Variants in OCIAD1 observed in about 807,000 individuals in gnomAD.
OCIAD1 encodes the protein OCIA domain containing 1, also known as OCIA domain-containing protein 1.
OCIAD1 carries 29 observed loss-of-function variants against 38.9 expected under a neutral mutation model. The ratio of observed to expected loss-of-function variants is 0.74; its 90% CI spans 0.55 to 1.02. The LOEUF is 1.02. Ranked by LOEUF, OCIAD1 falls within the 50% of genes least tolerant of loss-of-function variation. The pLI is 0.00. For missense variants in OCIAD1, 288 were observed against 289.6 expected (o/e 0.99, Z 0.04); for synonymous variants, 110 against 92.0 (o/e 1.20, Z -1.12).
intron 3 of OCIAD1, among the ~76,000 whole-genome samples, chr4:48,834,162 T>C (rs1243873615): frequency 6.6e-6 from 1 of 152,156 alleles, no homozygotes; most frequent in Non-Finnish European, 1.5e-5. Context: ...AGGATGAATT[T>C]TTTTTTGTTT....
At chr4:48,849,450 C>T (rs534932480) in intron 5 of OCIAD1, among the ~76,000 whole-genome samples, 5 of 152,084 alleles carry the variant, frequency 3.3e-5, no homozygotes, top group South Asian at 2.1e-4. Flanking sequence ...GGTTATGGTT[C>T]GTAATTTATT....
chr4:48,837,111 A>G, intron 3 of OCIAD1: 1 of 151,982 alleles, frequency 6.6e-6, no homozygotes, highest in Non-Finnish European at 1.5e-5. Flanking sequence ...AGCTGGGATT[A>G]CAGGCGCCTG....
intron 8 of OCIAD1, among the ~76,000 whole-genome samples, chr4:48,858,354 C>T (rs1010259864): frequency 3.3e-4 from 50 of 152,124 alleles, no homozygotes; most frequent in Non-Finnish European, 3.2e-4. Flanking sequence ...CTGAGGTTGG[C>T]GTTGCGCTGT....
At chr4:48,845,672 A>G (rs1778919743) in intron 4 of OCIAD1, among the ~76,000 whole-genome samples, 1 of 152,204 alleles carries the variant, frequency 6.6e-6, no homozygotes, top group Non-Finnish European at 1.5e-5. Context: ...GCCCTTCTAT[A>G]GGCTCCTCAA....
chr4:48,818,944 A>G (rs199629017), intron 1 of OCIAD1, among the ~76,000 whole-genome samples: 2 of 152,152 alleles, frequency 1.3e-5, no homozygotes, highest in East Asian at 3.8e-4. Context: ...CAAACCTACA[A>G]TTGATTGGTG....
At chr4:48,819,716 C>CAAAAAAAA (rs576081813) in intron 1 of OCIAD1, among the ~76,000 whole-genome samples, 741 of 10,438 alleles carry the variant, frequency 0.071, 271 homozygotes, top group Non-Finnish European at 0.095. Flanking sequence ...TTACCAAGCG[C>CAAAAAAAA]AAAAAAAAAA....
chr4:48,856,603 G>A (rs1780063116), intron 7 of OCIAD1: 3 of 152,188 alleles, frequency 2.0e-5, no homozygotes, highest in African/African-American at 7.2e-5. Context: ...GGCTGGTCTT[G>A]AACTCCTGAC....
At chr4:48,854,631 G>A (rs540632373) in intron 7 of OCIAD1, among the ~76,000 whole-genome samples, 1 of 152,126 alleles carries the variant, frequency 6.6e-6, no homozygotes, top group East Asian at 1.9e-4. Context: ...ACTTAGCAAG[G>A]CCATGTCTTA....
chr4:48,848,973 G>A (rs930644888), intron 5 of OCIAD1, among the ~76,000 whole-genome samples: 4 of 152,092 alleles, frequency 2.6e-5, no homozygotes, highest in Non-Finnish European at 5.9e-5. Flanking sequence ...CCATAAAAAA[G>A]GATGAGTTCA....
At chr4:48,826,825 T>C (rs1777256884), upstream of OCIAD1, among the ~76,000 whole-genome samples, 1 of 152,236 alleles carries the variant, frequency 6.6e-6, no homozygotes, top group South Asian at 2.1e-4. Context: ...GAAAGAGTAA[T>C]GTACACTTTT....
intron 1 of OCIAD1, among the ~76,000 whole-genome samples, chr4:48,818,673 C>T (rs939104548): frequency 1.3e-5 from 2 of 152,058 alleles, no homozygotes; most frequent in African/African-American, 4.8e-5. Context: ...AGCTAAGAAC[C>T]TTGATAAAGG....
At chr4:48,858,198 TAGTA>T (rs558206014) in intron 8 of OCIAD1, among the ~76,000 whole-genome samples, 3 of 151,808 alleles carry the variant, frequency 2.0e-5, no homozygotes, top group Non-Finnish European at 4.4e-5. Context: ...GAAGTCCAAA[TAGTA>T]AGTCTTAAGA....
intron 1 of OCIAD1, among the ~76,000 whole-genome samples, chr4:48,822,881 CAGG>C (rs1777207561): frequency 1.3e-5 from 2 of 152,294 alleles, no homozygotes; most frequent in South Asian, 4.1e-4. Context: ...ATTAAAAAGT[CAGG>C]AGACAACAGA....
chr4:48,826,741 AT>A (rs1440400224), upstream of OCIAD1, among the ~76,000 whole-genome samples: 1 of 152,212 alleles, frequency 6.6e-6, no homozygotes, highest in Non-Finnish European at 1.5e-5. Context: ...AAAACAAAAA[AT>A]AACCTTCATC....
At chr4:48,835,091 GCCCGGCTAATTT>G (rs1777865251) in intron 3 of OCIAD1, among the ~76,000 whole-genome samples, 3 of 152,058 alleles carry the variant, frequency 2.0e-5, no homozygotes, top group Non-Finnish European at 2.9e-5. Context: ...GCGCCACCAT[GCCCGGCTAATTT>G]TTGTATTTTC....
intron 1 of OCIAD1, among the ~76,000 whole-genome samples, chr4:48,825,517 A>T (rs1008054382): frequency 6.6e-6 from 1 of 152,150 alleles, no homozygotes; most frequent in Non-Finnish European, 1.5e-5. Flanking sequence ...TATCATTCTC[A>T]TCACTTTTGG....
chr4:48,826,074 G>C (rs1390258207), upstream of OCIAD1, among the ~76,000 whole-genome samples: 1 of 152,092 alleles, frequency 6.6e-6, no homozygotes, highest in African/African-American at 2.4e-5. Context: ...CTGACATCAA[G>C]TGATCCGCCC....
At chr4:48,839,318 C>T (rs2109539820) in intron 3 of OCIAD1, among the ~76,000 whole-genome samples, 1 of 152,148 alleles carries the variant, frequency 6.6e-6, no homozygotes, top group South Asian at 2.1e-4. Context: ...TGCCTGTAGT[C>T]CCAGCTTCTT....
chr4:48,835,111 T>G (rs1323817684), intron 3 of OCIAD1, among the ~76,000 whole-genome samples: 5 of 152,132 alleles, frequency 3.3e-5, no homozygotes, highest in Non-Finnish European at 5.9e-5. Context: ...TTTTTGTATT[T>G]TCAGTAGAGA....
Sources: gnomAD v4.1 joint callset for allele counts (sites outside exome capture counted in the v4.1 genomes callset) on GRCh38, gnomAD v4.1.1 for gene constraint, MANE v1.5 for transcripts, NCBI Gene and HGNC (gene_info 2026-07-23, HGNC 2026-07-21) for gene names.